CTNNA3: variants seen among roughly 807,000 people sequenced by gnomAD.
CTNNA3 encodes the protein catenin alpha-3.
In CTNNA3, 76 loss-of-function variants were observed where a neutral mutation model predicts 95.7. The ratio of observed to expected loss-of-function variants is 0.79; its 90% CI spans 0.66 to 0.96. The LOEUF (loss-of-function observed/expected upper bound fraction) is 0.96, where lower values mean the gene tolerates loss of function less well. CTNNA3 is among the 40% of genes least tolerant of loss of function. The pLI, the probability that CTNNA3 is intolerant of heterozygous loss-of-function variation, is 0.00. For synonymous variants in CTNNA3, 431 were observed against 374.4 expected, an observed-to-expected ratio of 1.15 and a Z score of -1.74; for missense variants, 1,191 against 1,089.8, an observed-to-expected ratio of 1.09 and a Z score of -1.31.
At chr10:67,702,279 A>G (rs1383292523) in intron 1 of CTNNA3, among the ~76,000 whole-genome samples, 2 of 152,152 alleles carry the variant, frequency 1.3e-5, no homozygotes, top group African/African-American at 4.8e-5. Context: ...AGCGGACCTA[A>G]TAGACATCTA....
At chr10:66,728,278 C>A (rs926550924) in intron 9 of CTNNA3, among the ~76,000 whole-genome samples, 4 of 152,088 alleles carry the variant, frequency 2.6e-5, no homozygotes, top group Non-Finnish European at 5.9e-5. Flanking sequence ...CCTGTAAGAC[C>A]AGCCCTGTAT....
rs1009825888 is a variant in CTNNA3 at position 66,260,509 on chromosome 10, C to A, written c.1884+19961G>T. Among the ~76,000 whole-genome samples, 3 of 152,102 alleles carry A rather than the reference C, an allele frequency of 2.0e-5. No individual in the cohort carries two copies. In the South Asian group the frequency reaches 6.2e-4, roughly 32 times the overall value. On this transcript the variant is annotated intron_variant, in intron 13 of 17. Coordinates refer to ENST00000433211, the MANE Select transcript of CTNNA3 (RefSeq NM_013266.4). Reference sequence around the variant, plus strand: ...GTGTACACATTAATAAATCTGTATGCCCTTTCTCCAATTAATTTGCCATTT... The same window carrying A: ...GTGTACACATTAATAAATCTGTATGACCTTTCTCCAATTAATTTGCCATTT...
chr10:67,634,364 A>T (rs1839238664), intron 2 of CTNNA3, among the ~76,000 whole-genome samples: 1 of 152,186 alleles, frequency 6.6e-6, no homozygotes, highest in African/African-American at 2.4e-5. Flanking sequence ...ATTATCAGCC[A>T]CTAAAAAACA....
intron 9 of CTNNA3, among the ~76,000 whole-genome samples, chr10:66,661,922 T>C (rs1011444408): frequency 6.6e-6 from 1 of 152,190 alleles, no homozygotes; most frequent in Non-Finnish European, 1.5e-5. Context: ...GGAATTACAA[T>C]TCAGCTCACA....
rs552058551 is a variant in CTNNA3 at position 67,747,841 on chromosome 10, C to T, written c.-2+15593G>A. ...ACCAAAGGAGCATGTCCTAACCTAA[C>T]GCAAAGAAGCTAAGAACCATGATAA... On this transcript the variant is annotated intron_variant, in intron 1 of 17. Transcript: ENST00000684154. Among the ~76,000 whole-genome samples, 5 of 152,158 alleles carry T rather than the reference C, an allele frequency of 3.3e-5. No homozygotes were observed. In the East Asian group the frequency reaches 5.8e-4, roughly 18 times the overall value.
intron 5 of CTNNA3, among the ~76,000 whole-genome samples, chr10:67,516,109 C>T (rs1839802438): frequency 6.6e-6 from 1 of 152,056 alleles, no homozygotes; most frequent in South Asian, 2.1e-4. Flanking sequence ...ATTACAGTTG[C>T]CTGCCACCAT....
At chr10:66,791,861 T>A (rs972064511) in intron 7 of CTNNA3, among the ~76,000 whole-genome samples, 2 of 152,236 alleles carry the variant, frequency 1.3e-5, no homozygotes, top group African/African-American at 4.8e-5. Flanking sequence ...AAAGCTCATT[T>A]CTATATCGTT....
chr10:66,267,545 C>T (rs776636574), intron 13 of CTNNA3, among the ~76,000 whole-genome samples: 1 of 152,100 alleles, frequency 6.6e-6, no homozygotes, highest in Non-Finnish European at 1.5e-5. Flanking sequence ...TATGAGAATG[C>T]CAATTACTTG....
chr10:67,214,826 A>T (rs1466104334), intron 6 of CTNNA3, among the ~76,000 whole-genome samples: 2 of 151,842 alleles, frequency 1.3e-5, no homozygotes, highest in Non-Finnish European at 2.9e-5. Flanking sequence ...CATCATTCAT[A>T]GGTAACTCTT....
At chr10:66,905,299 T>C (rs1173979088) in intron 7 of CTNNA3, among the ~76,000 whole-genome samples, 1 of 152,058 alleles carries the variant, frequency 6.6e-6, no homozygotes, top group Non-Finnish European at 1.5e-5. Context: ...ATGTTCTCAC[T>C]CATAGGTGGG....
intron 10 of CTNNA3, among the ~76,000 whole-genome samples, chr10:66,590,632 T>C (rs1460540928): frequency 1.3e-5 from 2 of 152,124 alleles, no homozygotes; most frequent in Non-Finnish European, 2.9e-5. Flanking sequence ...GTAATTTCAT[T>C]TATTAAAATT....
chr10:65,998,386 A>AAAAT (rs1378964182), intron 15 of CTNNA3, among the ~76,000 whole-genome samples: 4 of 152,090 alleles, frequency 2.6e-5, no homozygotes. Context: ...TTTTTGAAAA[A>AAAAT]AAATAAACGA....
chr10:66,070,820 T>G (rs1176115920), intron 14 of CTNNA3, among the ~76,000 whole-genome samples: 3 of 152,166 alleles, frequency 2.0e-5, no homozygotes, highest in Non-Finnish European at 4.4e-5. Flanking sequence ...GACCCTGTTG[T>G]GGACAGGGAG....
rs1322899779 is a variant in CTNNA3 at position 67,512,936 on chromosome 10, G to C, written c.579+8906C>G. On this transcript the variant is annotated intron_variant, in intron 5 of 17. Transcript: ENST00000433211. ...GGAGGCAGAGATTGCAGTGAGCCAA[G>C]ATCGCGTCACTGACTCCAGCCTGGC... Among the ~76,000 whole-genome samples, 3 of 152,276 alleles carry C rather than the reference G, an allele frequency of 2.0e-5. No homozygotes were observed. The East Asian group carries it at 5.8e-4, about 29-fold the overall frequency.
At chr10:65,964,761 A>G (rs1460159920) in intron 17 of CTNNA3, among the ~76,000 whole-genome samples, 5 of 152,258 alleles carry the variant, frequency 3.3e-5, no homozygotes, top group African/African-American at 4.8e-5. Flanking sequence ...CCAAATAAAC[A>G]TACTTTTTTA....
intron 7 of CTNNA3, among the ~76,000 whole-genome samples, chr10:66,871,153 G>T (rs1485802290): frequency 6.6e-6 from 1 of 152,168 alleles, no homozygotes; most frequent in Non-Finnish European, 1.5e-5. Context: ...TTGGCAGAAA[G>T]CAGAGGGCGA....
At chr10:67,313,502 G>A (rs948766141) in intron 5 of CTNNA3, among the ~76,000 whole-genome samples, 1 of 152,054 alleles carries the variant, frequency 6.6e-6, no homozygotes, top group Non-Finnish European at 1.5e-5. Flanking sequence ...AATCACTGAA[G>A]TATACAAGGC....
chr10:66,481,461 CTTTTTTTTTTTTTTTTT>C (rs148278459), intron 11 of CTNNA3, among the ~76,000 whole-genome samples: 1 of 73,204 alleles, frequency 1.4e-5, no homozygotes, highest in East Asian at 5.0e-4. Flanking sequence ...TCCCTTGTTT[CTTTTTTTTTTTTTTTTT>C]TTTTTTTTTT....
intron 1 of CTNNA3, among the ~76,000 whole-genome samples, chr10:67,731,627 C>A (rs1841274581): frequency 6.6e-6 from 1 of 151,628 alleles, no homozygotes; most frequent in Non-Finnish European, 1.5e-5. Context: ...ACGGTGAAAC[C>A]CCGTCTCTAC....
Sources: allele counts gnomAD v4.1 joint callset (sites outside exome capture counted in the v4.1 genomes callset), GRCh38; gene constraint gnomAD v4.1.1; transcripts MANE v1.5; gene names NCBI Gene and HGNC (gene_info 2026-07-23, HGNC 2026-07-21).